C5orf34: variants seen among roughly 807,000 people sequenced by gnomAD.
The protein encoded by C5orf34 is chromosome 5 open reading frame 34.
C5orf34 carries 73 observed loss-of-function variants against 78.4 expected under a neutral mutation model. That is an observed-to-expected ratio of 0.93 (90% CI 0.77 to 1.13). The LOEUF is 1.13. Ranked by LOEUF, C5orf34 falls within the 50% of genes most tolerant of loss-of-function variation. C5orf34 has a pLI of 0.00. For missense variants in C5orf34, 730 were observed against 732.7 expected (o/e 1.00, Z 0.04); for synonymous variants, 251 against 246.6 (o/e 1.02, Z -0.17).
At chr5:43,504,590 G>C (rs775176673) in intron 4 of C5orf34, among the ~76,000 whole-genome samples, 1 of 152,292 alleles carries the variant, frequency 6.6e-6, no homozygotes, top group Admixed American at 6.5e-5. Flanking sequence ...CTCCTGCAGA[G>C]TAAAGAGTAG....
In C5orf34 at chr5:43,498,800, A is replaced by G. The variant is rs149439385; in HGVS notation, c.1152+3572T>C. On this transcript the variant is annotated intron_variant, in intron 6 of 12. Transcript: ENST00000306862. ...TCACTTCCCTACTTGAAATCATTCA[A>G]TGGTTCCCCAAATGCAGTGAGGTTA... Among the ~76,000 whole-genome samples the G allele has an allele frequency of 5.3e-5, 8 of 152,292 alleles. No individual in the cohort carries two copies. In the East Asian group the frequency reaches 1.5e-3, roughly 29 times the overall value.
At chr5:43,503,149 G>T (rs748500541) in intron 5 of C5orf34, among the ~76,000 whole-genome samples, 1 of 152,158 alleles carries the variant, frequency 6.6e-6, no homozygotes, top group East Asian at 1.9e-4. Context: ...TCTCAATCTG[G>T]CTAACACTAG....
intron 12 of C5orf34, 27 bp from the exon 13 acceptor site, chr5:43,487,138 C>A: frequency 8.4e-7 from 1 of 1,192,384 alleles, no homozygotes; most frequent in South Asian, 1.8e-5. Context: ...AGGAGGTTTT[C>A]CCCACATTTT....
intron 6 of C5orf34, among the ~76,000 whole-genome samples, chr5:43,498,364 G>A (rs570420407): frequency 6.6e-6 from 1 of 152,118 alleles, no homozygotes; most frequent in Admixed American, 6.5e-5. Flanking sequence ...TCTGAAATCT[G>A]GATCCATCTT....
At chr5:43,507,908 C>T (rs1054751462) in intron 3 of C5orf34, among the ~76,000 whole-genome samples, 1 of 152,086 alleles carries the variant, frequency 6.6e-6, no homozygotes, top group Non-Finnish European at 1.5e-5. Context: ...GAAACCCCGT[C>T]TCTACTAAAA....
chr5:43,505,669 A>G (rs1423990505), intron 4 of C5orf34, 79 bp downstream of exon 4: 8 of 1,407,284 alleles, frequency 5.7e-6, no homozygotes, highest in Non-Finnish European at 6.6e-6. Context: ...TGTGAATGGT[A>G]TCAGATAAAA....
chr5:43,492,304 A>G lies in C5orf34; in HGVS notation c.1491T>C (p.Asn497=). ...TACACCAACCTAAGTTAAGACCTTG[A>G]TTTACCTGAAGAAGTAGAAAGATAA... ...FSSPIEKRQV[N]QGLNLGWCKL... Residue 497 remains asparagine (N), a synonymous_variant, in exon 10 of 13, where the codon AAT becomes AAC. Coordinates refer to ENST00000306862, the MANE Select transcript of C5orf34 (RefSeq NM_198566.4). 1 of 1,593,198 alleles carries G rather than the reference A, an allele frequency of 6.3e-7. No homozygotes were observed.
At chr5:43,497,117 C>T (rs1053353922) in intron 6 of C5orf34, among the ~76,000 whole-genome samples, 5 of 151,982 alleles carry the variant, frequency 3.3e-5, no homozygotes, top group East Asian at 1.9e-4. Context: ...TATTTACAGG[C>T]GGAGGTTACT....
Position 43,515,006 on chromosome 5 carries a change from A to AG in C5orf34, c.-238dup, listed in dbSNP as rs1400229810. On this transcript the variant is annotated 5_prime_UTR_variant, in exon 1 of 13. Coordinates refer to ENST00000306862, the MANE Select transcript of C5orf34 (RefSeq NM_198566.4). ...CACAACCCTAGAGGAATAAGGTGGCAGGGAGAGTGTTTTGGCCAAGATGCC... is the reference window on the plus strand; with the variant it reads ...CACAACCCTAGAGGAATAAGGTGGCAGGGGAGAGTGTTTTGGCCAAGATGCC... The AG allele has an allele frequency of 1.3e-5, 2 of 152,248 alleles. No individual in the cohort carries two copies. Among genetic ancestry groups the AG allele is most frequent in the Non-Finnish European group, 2.9e-5 (2 of 68,056 alleles). The allele number at this position is 152,248 out of a possible 1,614,324, so 9.4% of individuals were successfully genotyped here.
At chr5:43,496,115 A>G in intron 6 of C5orf34, 2 of 1,279,784 alleles carry the variant, frequency 1.6e-6, no homozygotes, top group Non-Finnish European at 2.1e-6. Flanking sequence ...AGCAGCAACC[A>G]TCAGGACAGC....
rs756517697 is a variant in C5orf34 at position 43,509,304 on chromosome 5, A to G, written c.36T>C (p.Asp12=). The part of the protein sequence containing the change: ...AAELRMILYE[D]DSVQVQYVDG... ...CAACATATTGTACTTGTACTGAATC[A>G]TCTTCATAAAGTATCATTCGCAGTT... The change falls in exon 2 of 13, where the codon GAT becomes GAC. Residue 12 remains aspartate (D), a synonymous_variant. Coordinates refer to ENST00000306862, the MANE Select transcript of C5orf34 (RefSeq NM_198566.4). 9.9e-6 allele frequency: 16 copies of G among 1,613,144 alleles called. No individual in the cohort carries two copies. Among genetic ancestry groups the G allele is most frequent in the Admixed American group, 1.7e-5 (1 of 59,856 alleles).
At chr5:43,505,507 T>C (rs963959432) in intron 4 of C5orf34, 15 of 424,722 alleles carry the variant, frequency 3.5e-5, no homozygotes, top group Admixed American at 3.1e-4. Context: ...TAGTCATCTC[T>C]GCAGTTACTG....
At position 43,495,834 on chromosome 5, in the gene C5orf34, G is replaced by T. The variant is rs1745493455; in HGVS notation, c.1153-1233C>A. 5 of 1,583,814 alleles carry T rather than the reference G, an allele frequency of 3.2e-6. 1 individual carries two copies. The African/African-American group carries it at 6.7e-5, about 21-fold the overall frequency. On this transcript the variant is annotated intron_variant, in intron 6 of 12. Coordinates refer to ENST00000306862, the MANE Select transcript of C5orf34 (RefSeq NM_198566.4). Reference sequence around the variant, plus strand: ...GTGGCTTTCCATCCCTTGAGCCAAGGCATGTTAGCACTCGGCTCCAGCATG... The same window carrying T: ...GTGGCTTTCCATCCCTTGAGCCAAGTCATGTTAGCACTCGGCTCCAGCATG...
chr5:43,504,296 CAA>C (rs35842237), intron 4 of C5orf34, among the ~76,000 whole-genome samples: 16 of 96,236 alleles, frequency 1.7e-4, no homozygotes, highest in Non-Finnish European at 1.8e-4. Context: ...GAATCCATCT[CAA>C]AAAAAAAAAA....
intron 4 of C5orf34, 191 bp downstream of exon 4, chr5:43,505,557 T>C (rs1745943820): frequency 5.5e-6 from 3 of 544,314 alleles, no homozygotes; most frequent in Non-Finnish European, 9.6e-6. Context: ...GCCTTCTACA[T>C]TCAATGCATG....
At position 43,502,383 on chromosome 5, in the gene C5orf34, C is replaced by A. The variant is rs767876775; in HGVS notation, c.1141G>T (p.Gly381Ter). 9 of 1,611,702 alleles carry A rather than the reference C, an allele frequency of 5.6e-6. No individual in the cohort carries two copies. The South Asian group carries it at 9.9e-5, about 18-fold the overall frequency. The change falls in exon 6 of 13, where the codon GGA (glycine) becomes TGA (stop). Residue 381 changes from glycine (G) to a stop codon, truncating the protein, a stop_gained. Coordinates refer to ENST00000306862, the MANE Select transcript of C5orf34 (RefSeq NM_198566.4). LOFTEE classifies it high-confidence loss of function. ...CATTGTTGGCTTACCTTTCCTGATCCTTCTTGAATAGAATAATAAGTAAAA... is the reference window on the plus strand; with the variant it reads ...CATTGTTGGCTTACCTTTCCTGATCATTCTTGAATAGAATAATAAGTAAAA... ...NYFTYYSIQE[G>*]SGKREEKTYS...
intron 11 of C5orf34, among the ~76,000 whole-genome samples, chr5:43,489,090 T>G (rs1240507233): frequency 2.0e-5 from 3 of 152,026 alleles, no homozygotes; most frequent in Non-Finnish European, 4.4e-5. Context: ...TGTTCATTAT[T>G]GCAAAATATC....
intron 12 of C5orf34, among the ~76,000 whole-genome samples, chr5:43,487,524 T>G (rs999123073): frequency 6.6e-6 from 1 of 152,048 alleles, no homozygotes; most frequent in Non-Finnish European, 1.5e-5. Context: ...TTGAATAAGA[T>G]TAGAGAAAAA....
intron 1 of C5orf34, among the ~76,000 whole-genome samples, chr5:43,512,243 C>T (rs377759479): frequency 2.6e-5 from 4 of 152,308 alleles, no homozygotes; most frequent in African/African-American, 9.6e-5. Flanking sequence ...TCCTTTCCAA[C>T]ACTAACCCCA....
Sources: gnomAD v4.1 joint callset for allele counts (sites outside exome capture counted in the v4.1 genomes callset) on GRCh38, gnomAD v4.1.1 for gene constraint, MANE v1.5 for transcripts, NCBI Gene and HGNC (gene_info 2026-07-23, HGNC 2026-07-21) for gene names.